The following ESRRG variants were observed in gnomAD, a reference collection of about 807,000 sequenced individuals.
The protein encoded by ESRRG is estrogen related receptor gamma.
Under a neutral mutation model 44.0 loss-of-function variants are expected in ESRRG, and 13 were observed. The ratio of observed to expected loss-of-function variants is 0.30; its 90% confidence interval spans 0.19 to 0.47. The LOEUF (loss-of-function observed/expected upper bound fraction) is 0.47, where lower values mean the gene tolerates loss of function less well. Ranked by LOEUF, ESRRG falls within the 20% of genes least tolerant of loss-of-function variation. ESRRG has a pLI of 1.00. For synonymous variants in ESRRG, 215 were observed against 214.6 expected, an observed-to-expected ratio of 1.00 and a Z score of -0.02; for missense variants, 395 against 580.6, an observed-to-expected ratio of 0.68 and a Z score of 3.29.
intron 2 of ESRRG, among the ~76,000 whole-genome samples, chr1:216,844,465 G>C (rs189677774): frequency 6.6e-6 from 1 of 152,054 alleles, no homozygotes; most frequent in Non-Finnish European, 1.5e-5. Context: ...AAGGTCCTAC[G>C]TGCTCTTCCT....
intron 2 of ESRRG, among the ~76,000 whole-genome samples, chr1:216,897,510 C>T (rs1413423575): frequency 6.6e-6 from 1 of 152,132 alleles, no homozygotes; most frequent in African/African-American, 2.4e-5. Context: ...TGACAAATGC[C>T]ATTTCAAACA....
chr1:216,526,580 A>G (rs2047723296), intron 5 of ESRRG, among the ~76,000 whole-genome samples: 1 of 152,130 alleles, frequency 6.6e-6, no homozygotes, highest in Non-Finnish European at 1.5e-5. Context: ...GTGAGCCAAT[A>G]TATTTCTGTG....
At chr1:216,786,797 T>C (rs1392636036) in intron 2 of ESRRG, among the ~76,000 whole-genome samples, 1 of 152,088 alleles carries the variant, frequency 6.6e-6, no homozygotes, top group East Asian at 1.9e-4. Context: ...TAGGCAAAAA[T>C]ACAATTATAC....
chr1:216,594,666 T>C (rs1219397940), intron 3 of ESRRG, among the ~76,000 whole-genome samples: 1 of 152,208 alleles, frequency 6.6e-6, no homozygotes, highest in Non-Finnish European at 1.5e-5. Context: ...GTTTTCTTGC[T>C]ATGTGACCTT....
At chr1:216,878,618 T>A (rs1220635627) in intron 2 of ESRRG, among the ~76,000 whole-genome samples, 3 of 152,176 alleles carry the variant, frequency 2.0e-5, no homozygotes, top group African/African-American at 7.2e-5. Flanking sequence ...TTTCCCTCCA[T>A]GTAGTAACAT....
intron 1 of ESRRG, among the ~76,000 whole-genome samples, chr1:216,679,638 T>C (rs1426132383): frequency 6.6e-6 from 1 of 151,428 alleles, no homozygotes; most frequent in Non-Finnish European, 1.5e-5. Context: ...TTTTTCTTTT[T>C]TTTTTTTTTA....
chr1:216,642,784 T>C (rs1360420901), intron 3 of ESRRG, among the ~76,000 whole-genome samples: 1 of 152,162 alleles, frequency 6.6e-6, no homozygotes, highest in Non-Finnish European at 1.5e-5. Context: ...AGCATAATGA[T>C]ACTAGACTTG....
chr1:217,101,195 G>A (rs918701624), intron 1 of ESRRG, among the ~76,000 whole-genome samples: 5 of 152,286 alleles, frequency 3.3e-5, no homozygotes, highest in African/African-American at 1.2e-4. Context: ...AGGAGCACAT[G>A]CTCCAGAATA....
chr1:216,547,016 C>T (rs4846525), intron 5 of ESRRG, among the ~76,000 whole-genome samples: 43,793 of 151,516 alleles, frequency 0.29, 7,309 homozygotes, highest in Admixed American at 0.39. Flanking sequence ...CATGTGTTCT[C>T]ATTGTTCAAC....
chr1:217,035,730 T>G (rs2082773200), intron 1 of ESRRG, among the ~76,000 whole-genome samples: 1 of 150,532 alleles, frequency 6.6e-6, no homozygotes, highest in Non-Finnish European at 1.5e-5. Flanking sequence ...CCAAAGGAAG[T>G]ATAAATAACT....
intron 2 of ESRRG, among the ~76,000 whole-genome samples, chr1:216,657,850 G>T (rs1168117250): frequency 6.6e-6 from 1 of 152,132 alleles, no homozygotes; most frequent in Admixed American, 6.5e-5. Context: ...GGAGAGGAGG[G>T]TATAGACAAG....
At chr1:216,857,552 T>C (rs1404598899) in intron 2 of ESRRG, among the ~76,000 whole-genome samples, 1 of 151,820 alleles carries the variant, frequency 6.6e-6, no homozygotes, top group Non-Finnish European at 1.5e-5. Flanking sequence ...AAATAAACAT[T>C]AAAAGTATTC....
intron 2 of ESRRG, among the ~76,000 whole-genome samples, chr1:216,831,556 G>A (rs2095488016): frequency 6.6e-6 from 1 of 151,638 alleles, no homozygotes; most frequent in Non-Finnish European, 1.5e-5. Flanking sequence ...GGGAGAGGAA[G>A]GGAGGAAGGA....
At chr1:217,089,358 T>G (rs958732511) in intron 1 of ESRRG, 5 of 97,522 alleles carry the variant, frequency 5.1e-5, no homozygotes, top group African/African-American at 1.8e-4. Flanking sequence ...AGGGAGGGGT[T>G]GCTTTTTTTT....
chr1:217,120,188 T>G (rs776252438), intron 1 of ESRRG, among the ~76,000 whole-genome samples: 4 of 152,244 alleles, frequency 2.6e-5, no homozygotes, highest in African/African-American at 9.6e-5. Context: ...GTTCCATGCC[T>G]CCATGACCAC....
intron 1 of ESRRG, among the ~76,000 whole-genome samples, chr1:216,995,581 C>T (rs2076272623): frequency 2.6e-5 from 4 of 152,184 alleles, no homozygotes; most frequent in Admixed American, 6.5e-5. Context: ...TCCTTCTTGA[C>T]TCAACCTAGC....
chr1:216,742,210 T>C (rs2090836534), intron 2 of ESRRG, among the ~76,000 whole-genome samples: 2 of 152,192 alleles, frequency 1.3e-5, no homozygotes, highest in African/African-American at 4.8e-5. Flanking sequence ...TCCCACCATC[T>C]TATATTTAAA....
Position 216,507,078 on chromosome 1 carries a change from C to T in ESRRG, c.1238G>A (p.Arg413Gln), listed in dbSNP as rs1319112255. The T allele has an allele frequency of 1.2e-6, 2 of 1,614,072 alleles. No homozygotes were observed. Among genetic ancestry groups the T allele is most frequent in the Admixed American group, 1.7e-5 (1 of 60,020 alleles). Residue 413 changes from arginine (R) to glutamine (Q), a missense_variant, in exon 7 of 7, where the codon CGA (arginine) becomes CAA (glutamine). Coordinates refer to ENST00000408911, the MANE Select transcript of ESRRG (RefSeq NM_001438.4). ...CAGTGTCATCAGCATCTTGCCAGCT[C>T]GACGAGGGTCTTCCATGTGCTGGCC... The part of the protein sequence containing the change: ...EAGQHMEDPR[R>Q]AGKMLMTLPL...
At chr1:216,557,673 GA>G (rs202226654) in intron 5 of ESRRG, among the ~76,000 whole-genome samples, 98 of 151,828 alleles carry the variant, frequency 6.5e-4, no homozygotes, top group African/African-American at 2.3e-3. Context: ...TTAATCCCAT[GA>G]AAAAAAATAA....
Sources: gnomAD v4.1 joint callset for allele counts (sites outside exome capture counted in the v4.1 genomes callset) on GRCh38, gnomAD v4.1.1 for gene constraint, MANE v1.5 for transcripts, NCBI Gene and HGNC (gene_info 2026-07-23, HGNC 2026-07-21) for gene names.